The following DOCK8 variants were observed in gnomAD, a reference collection of about 807,000 sequenced individuals.
The protein encoded by DOCK8 is dedicator of cytokinesis 8.
Under a neutral mutation model 245.6 loss-of-function variants are expected in DOCK8, and 141 were observed. That is an observed-to-expected ratio of 0.57 (90% CI 0.50 to 0.66). The LOEUF (loss-of-function observed/expected upper bound fraction) is 0.66, where lower values mean the gene tolerates loss of function less well. Among genes scored for constraint, DOCK8 ranks in the 30% least tolerant of loss-of-function variants. The pLI, the probability that DOCK8 is intolerant of heterozygous loss-of-function variation, is 0.00. For missense variants in DOCK8, 2,965 were observed against 2,603.4 expected (o/e 1.14, Z -3.02); for synonymous variants, 1,168 against 970.2 (o/e 1.20, Z -3.79).
At chr9:379,124 A>C (rs771117156) in intron 20 of DOCK8, among the ~76,000 whole-genome samples, 23 of 152,220 alleles carry the variant, frequency 1.5e-4, no homozygotes, top group Non-Finnish European at 2.6e-4. Flanking sequence ...TGACTGCCTC[A>C]TTTTAAGGGA....
chr9:231,470 G>C (rs1336942570), intron 1 of DOCK8, among the ~76,000 whole-genome samples: 2 of 152,148 alleles, frequency 1.3e-5, no homozygotes, highest in African/African-American at 4.8e-5. Context: ...CGGATGGCTT[G>C]AATCTCTAAA....
chr9:252,930 A>G (rs1287341650), intron 1 of DOCK8, among the ~76,000 whole-genome samples: 1 of 152,218 alleles, frequency 6.6e-6, no homozygotes, highest in African/African-American at 2.4e-5. Flanking sequence ...TGAGAAATGG[A>G]TGAAGTTGGT....
Position 417,299 on chromosome 9 carries a change from T to G in DOCK8, c.3701-769T>G, listed in dbSNP as rs78830324. ...CTTTGTCTAAAAATAAATAAATAAA[T>G]AAATAATAAGAACTGGGTTTTGTTT... On this transcript the variant is annotated intron_variant, in intron 29 of 47. Coordinates refer to ENST00000432829, the MANE Select transcript of DOCK8 (RefSeq NM_203447.4). Among the ~76,000 whole-genome samples the G allele has an allele frequency of 7.0e-3, 1,064 of 152,216 alleles. 15 individuals are homozygous for G. Among genetic ancestry groups the G allele is most frequent in the African/African-American group, 0.024 (977 of 41,554 alleles).
At chr9:278,376 G>A (rs2048442749) in intron 2 of DOCK8, among the ~76,000 whole-genome samples, 1 of 152,236 alleles carries the variant, frequency 6.6e-6, no homozygotes, top group Admixed American at 6.5e-5. Context: ...ATAGTAGAGA[G>A]CTTACTCATT....
chr9:340,492 A>C, intron 14 of DOCK8, 171 bp downstream of exon 14: 1 of 781,996 alleles, frequency 1.3e-6, no homozygotes, highest in Non-Finnish European at 2.0e-6. Context: ...ATGGTGGTGC[A>C]TGCTTGTAAT....
chr9:422,639 A>G (rs550820176), intron 33 of DOCK8, among the ~76,000 whole-genome samples: 3 of 152,242 alleles, frequency 2.0e-5, no homozygotes, highest in Non-Finnish European at 4.4e-5. Flanking sequence ...AATCATCTTA[A>G]TGACATGGGG....
intron 1 of DOCK8, among the ~76,000 whole-genome samples, chr9:262,782 A>C (rs942959276): frequency 1.3e-5 from 2 of 152,188 alleles, no homozygotes; most frequent in African/African-American, 2.4e-5. Context: ...AAATATGTGC[A>C]GTTCATTGCC....
At chr9:382,774 C>T in intron 22 of DOCK8, 89 bp downstream of exon 22, 1 of 1,506,390 alleles carries the variant, frequency 6.6e-7, no homozygotes. Context: ...GCAACCACTA[C>T]TGCTGCCCAC....
chr9:418,330 G>A (rs924217207), intron 30 of DOCK8, 123 bp downstream of exon 30: 10 of 1,332,152 alleles, frequency 7.5e-6, no homozygotes, highest in Non-Finnish European at 1.1e-5. Flanking sequence ...GGAGTGCAGT[G>A]GCGCAATCTC....
intron 1 of DOCK8, among the ~76,000 whole-genome samples, chr9:235,491 C>G (rs995460775): frequency 6.6e-6 from 1 of 152,220 alleles, no homozygotes; most frequent in East Asian, 1.9e-4. Flanking sequence ...GCCCTGCCCC[C>G]AGAAGTGGAG....
At chr9:243,743 A>T (rs1243081309) in intron 1 of DOCK8, among the ~76,000 whole-genome samples, 1 of 151,898 alleles carries the variant, frequency 6.6e-6, no homozygotes, top group African/African-American at 2.4e-5. Flanking sequence ...AATCTAGAGG[A>T]CTCTGATACC....
At chr9:318,984 A>G (rs1351166418) in intron 7 of DOCK8, among the ~76,000 whole-genome samples, 1 of 151,940 alleles carries the variant, frequency 6.6e-6, no homozygotes, top group African/African-American at 2.4e-5. Context: ...ACTAAGAGAG[A>G]TATGTGTTAT....
At chr9:460,945 A>G (rs2057784765) in intron 46 of DOCK8, among the ~76,000 whole-genome samples, 1 of 152,250 alleles carries the variant, frequency 6.6e-6, no homozygotes, top group African/African-American at 2.4e-5. Flanking sequence ...GAAGGATAAT[A>G]TAGTTATTAC....
chr9:282,566 G>A (rs2048635819), intron 2 of DOCK8, among the ~76,000 whole-genome samples: 1 of 150,788 alleles, frequency 6.6e-6, no homozygotes, highest in African/African-American at 2.4e-5. Flanking sequence ...TATAGGTGGT[G>A]TACCACCACA....
chr9:226,681 G>C (rs1199749552), intron 1 of DOCK8, among the ~76,000 whole-genome samples: 6 of 152,138 alleles, frequency 3.9e-5, no homozygotes, highest in Admixed American at 2.6e-4. Flanking sequence ...TTTTAACAGA[G>C]ATTGAAAAGA....
At chr9:424,602 G>A (rs2056410779) in intron 33 of DOCK8, among the ~76,000 whole-genome samples, 1 of 151,994 alleles carries the variant, frequency 6.6e-6, no homozygotes, top group African/African-American at 2.4e-5. Context: ...TAGAGACAGG[G>A]TTTCACCATG....
intron 6 of DOCK8, among the ~76,000 whole-genome samples, chr9:316,575 A>G (rs919524906): frequency 6.6e-5 from 10 of 152,214 alleles, no homozygotes; most frequent in Admixed American, 6.5e-5. Context: ...GTGACTCTGT[A>G]TTATAGGATC....
At chr9:395,287 C>T (rs556839628) in intron 24 of DOCK8, among the ~76,000 whole-genome samples, 8 of 152,076 alleles carry the variant, frequency 5.3e-5, no homozygotes, top group Admixed American at 2.6e-4. Context: ...CTGGCCATGG[C>T]GTTGTCTGAA....
intron 14 of DOCK8, among the ~76,000 whole-genome samples, chr9:350,251 C>A (rs2052095956): frequency 6.6e-6 from 1 of 152,136 alleles, no homozygotes; most frequent in Non-Finnish European, 1.5e-5. Flanking sequence ...AAGCTAGGAC[C>A]ACTGCTGTGT....
Sources: allele counts gnomAD v4.1 joint callset (sites outside exome capture counted in the v4.1 genomes callset), GRCh38; gene constraint gnomAD v4.1.1; transcripts MANE v1.5; gene names NCBI Gene and HGNC (gene_info 2026-07-23, HGNC 2026-07-21).